Variants in MTUS2 observed in about 807,000 individuals in gnomAD.
The protein encoded by MTUS2 is microtubule associated scaffold protein 2.
In MTUS2, 40 loss-of-function variants were observed where a neutral mutation model predicts 114.1. That is an observed-to-expected ratio of 0.35 (90% CI 0.27 to 0.46). MTUS2 has a LOEUF of 0.46. Among genes scored for constraint, MTUS2 ranks in the 20% least tolerant of loss-of-function variants. The pLI is 1.00. For missense variants in MTUS2, 1,679 were observed against 1,705.4 expected (o/e 0.98, Z 0.27); for synonymous variants, 688 against 672.0 (o/e 1.02, Z -0.37).
At position 29,394,082 on chromosome 13, in the gene MTUS2, A is replaced by G. The variant is rs550587033; in HGVS notation, c.3117+34609A>G. ...TTTATTTTCCTTTCACAGCTCCTAT[A>G]TGATTTTGTCCACAGGGTTGATACT... On this transcript the variant is annotated intron_variant, in intron 8 of 15. Coordinates refer to ENST00000612955, the MANE Select transcript of MTUS2 (RefSeq NM_001033602.4). 4.7e-4 allele frequency among the ~76,000 whole-genome samples: 71 copies of G among 152,206 alleles called. 2 individuals are homozygous for G. In the Middle Eastern group the frequency reaches 0.01, roughly 22 times the overall value.
intron 3 of MTUS2, among the ~76,000 whole-genome samples, chr13:29,028,002 C>A (rs1886640575): frequency 6.6e-6 from 1 of 152,146 alleles, no homozygotes; most frequent in South Asian, 2.1e-4. Flanking sequence ...TTCGAGACCT[C>A]AGAACTAAGA....
intron 4 of MTUS2, among the ~76,000 whole-genome samples, chr13:29,058,125 C>T (rs1229914958): frequency 6.6e-6 from 1 of 151,418 alleles, no homozygotes; most frequent in African/African-American, 2.4e-5. Flanking sequence ...CCAGTCTCTT[C>T]TGGCTTATAG....
intron 8 of MTUS2, among the ~76,000 whole-genome samples, chr13:29,408,316 T>C (rs1566184625): frequency 6.6e-6 from 1 of 152,162 alleles, no homozygotes; most frequent in Non-Finnish European, 1.5e-5. Context: ...AATTTCAGGT[T>C]TAAAAAAAAA....
At position 29,024,545 on chromosome 13, in the gene MTUS2, T is replaced by A; in HGVS notation, c.-154T>A. ...TCAAGACAATGCTTGGTTTTCAAGC[T>A]GTTCTGAGAATGATTAAAGCAGTGT... On this transcript the variant is annotated 5_prime_UTR_variant, in exon 3 of 16. Coordinates refer to ENST00000612955, the MANE Select transcript of MTUS2 (RefSeq NM_001033602.4). 1 of 879,154 alleles carries A rather than the reference T, an allele frequency of 1.1e-6. No homozygotes were observed. The highest frequency in any genetic ancestry group is 1.7e-6 in the Non-Finnish European group (1 of 576,152). 54.5% of individuals were successfully genotyped at this position (879,154 alleles called of 1,614,324 possible).
intron 2 of MTUS2, among the ~76,000 whole-genome samples, chr13:28,942,789 A>G (rs1377541995): frequency 6.6e-6 from 1 of 152,224 alleles, no homozygotes; most frequent in East Asian, 1.9e-4. Flanking sequence ...GTTAGTGGTT[A>G]TCTGTAGAGA....
At chr13:29,304,608 C>G (rs1839260068) in intron 6 of MTUS2, among the ~76,000 whole-genome samples, 1 of 152,114 alleles carries the variant, frequency 6.6e-6, no homozygotes. Context: ...TATATATGCA[C>G]CCAATACATA....
chr13:28,889,160 G>C (rs1878771101), intron 2 of MTUS2, among the ~76,000 whole-genome samples: 1 of 152,110 alleles, frequency 6.6e-6, no homozygotes, highest in African/African-American at 2.4e-5. Context: ...GTTCTCAGCT[G>C]TTCCCTGGAG....
intron 1 of MTUS2, among the ~76,000 whole-genome samples, chr13:28,830,336 A>G (rs1874580283): frequency 6.6e-6 from 1 of 152,210 alleles, no homozygotes; most frequent in Non-Finnish European, 1.5e-5. Flanking sequence ...TTAGTAGACA[A>G]ACATTTTAAA....
Position 29,024,606 on chromosome 13 carries a change from T to G in MTUS2, c.-93T>G. 3.8e-5 allele frequency: 56 copies of G among 1,470,724 alleles called. No homozygotes were observed. Among genetic ancestry groups the G allele is most frequent in the Non-Finnish European group, 4.6e-5 (50 of 1,083,724 alleles). The allele number at this position is 1,470,724 out of a possible 1,614,324, so 91.1% of individuals were successfully genotyped here. ...CATTGTCAGGGGAGAACAAGCAGCT[T>G]GAGAATTTCCTCTTAATCTGATTGC... On this transcript the variant is annotated 5_prime_UTR_variant, in exon 3 of 16. It removes the in-frame stop codon of an upstream open reading frame in the 5' UTR. Coordinates refer to ENST00000612955, the MANE Select transcript of MTUS2 (RefSeq NM_001033602.4).
Position 29,322,472 on chromosome 13 carries a change from C to T in MTUS2, c.2807-2141C>T, listed in dbSNP as rs144337363. Among the ~76,000 whole-genome samples the T allele has an allele frequency of 4.0e-3, 616 of 152,182 alleles. 5 individuals carry two copies. Among genetic ancestry groups the T allele is most frequent in the Non-Finnish European group, 6.6e-3 (447 of 68,012 alleles). ...TGGGCAGACCTCCTGGAAAGAAGCCCGGAGGAGAGCAGGGGTTGGAGGGGT... is the reference window on the plus strand; with the variant it reads ...TGGGCAGACCTCCTGGAAAGAAGCCTGGAGGAGAGCAGGGGTTGGAGGGGT... On this transcript the variant is annotated intron_variant, in intron 6 of 15. Coordinates refer to ENST00000612955, the MANE Select transcript of MTUS2 (RefSeq NM_001033602.4).
chr13:29,046,723 C>T (rs1275246892), intron 4 of MTUS2, among the ~76,000 whole-genome samples: 1 of 106,848 alleles, frequency 9.4e-6, no homozygotes, highest in Non-Finnish European at 1.9e-5. Context: ...AGTACCCCTC[C>T]CCCACCTCCT....
At chr13:29,294,295 T>G (rs1266717396) in intron 6 of MTUS2, among the ~76,000 whole-genome samples, 1 of 152,136 alleles carries the variant, frequency 6.6e-6, no homozygotes, top group African/African-American at 2.4e-5. Flanking sequence ...TAACGTTATA[T>G]CCTAATAATT....
chr13:28,908,723 T>A (rs954725559), intron 2 of MTUS2, among the ~76,000 whole-genome samples: 11 of 151,802 alleles, frequency 7.2e-5, no homozygotes, highest in Non-Finnish European at 1.0e-4. Context: ...CCACACTGAC[T>A]TCCACAATGG....
chr13:29,141,697 A>G (rs1446550904), intron 5 of MTUS2, among the ~76,000 whole-genome samples: 4 of 152,208 alleles, frequency 2.6e-5, no homozygotes, highest in Non-Finnish European at 5.9e-5. Flanking sequence ...TTAATGAGTC[A>G]AGATGGGATA....
chr13:29,283,756 G>A (rs529166683), intron 6 of MTUS2, among the ~76,000 whole-genome samples: 176 of 152,284 alleles, frequency 1.2e-3, no homozygotes, highest in African/African-American at 4.0e-3. Context: ...AAATGGGTTA[G>A]GAATTTGAAA....
chr13:29,213,058 A>G (rs1895517138), intron 5 of MTUS2, among the ~76,000 whole-genome samples: 1 of 152,230 alleles, frequency 6.6e-6, no homozygotes, highest in Non-Finnish European at 1.5e-5. Flanking sequence ...CAAGGGATTT[A>G]GGAGCTTTGT....
intron 5 of MTUS2, among the ~76,000 whole-genome samples, chr13:29,225,128 C>T (rs867554091): frequency 2.4e-4 from 37 of 152,364 alleles, no homozygotes; most frequent in African/African-American, 8.4e-4. Flanking sequence ...CAGCAGAGCA[C>T]ACCCAGTTCC....
chr13:29,183,197 CT>C (rs1382978566), intron 5 of MTUS2, among the ~76,000 whole-genome samples: 1 of 152,122 alleles, frequency 6.6e-6, no homozygotes, highest in Non-Finnish European at 1.5e-5. Context: ...CAGCCAAGTT[CT>C]GGCTACACTT....
chr13:28,994,423 G>C (rs145526351), intron 2 of MTUS2, among the ~76,000 whole-genome samples: 2,677 of 152,242 alleles, frequency 0.018, 81 homozygotes, highest in African/African-American at 0.06. Flanking sequence ...ACCCAGTAAT[G>C]GGATGGCTGG....
Sources: allele counts gnomAD v4.1 joint callset (sites outside exome capture counted in the v4.1 genomes callset), GRCh38; gene constraint gnomAD v4.1.1; transcripts MANE v1.5; gene names NCBI Gene and HGNC (gene_info 2026-07-23, HGNC 2026-07-21).